CFAP47: variants seen among roughly 807,000 people sequenced by gnomAD.
The protein encoded by CFAP47 is cilia- and flagella-associated protein 47.
In CFAP47, 29 loss-of-function variants were observed where a neutral mutation model predicts 148.1. The observed-to-expected ratio is 0.20, with a 90% CI of 0.15 to 0.27. The LOEUF is 0.27. Among genes scored for constraint, CFAP47 ranks in the 10% least tolerant of loss-of-function variants. The pLI is 1.00. For missense variants in CFAP47, 1,872 were observed against 1,697.5 expected (o/e 1.10, Z -1.81); for synonymous variants, 664 against 577.3 (o/e 1.15, Z -2.15).
rs757214958 is a variant in CFAP47, at chrX:35,967,660, G to C, written c.1642G>C (p.Val548Leu). The C allele has an allele frequency of 8.3e-7, 1 of 1,209,754 alleles. No homozygotes were observed. The highest frequency in any genetic ancestry group is 1.1e-6 in the Non-Finnish European group (1 of 894,456). Residue 548 changes from valine (V) to leucine (L), a missense_variant, in exon 10 of 64, where the codon GTC becomes CTC. Physicochemically the swap from Val to Leu is conservative, Grantham distance 32. Transcript: ENST00000378653. ...SIRNPTGKFV[V>L]KDLAKRKNYA... Reference sequence around the variant, plus strand: ...CCGTAATCCCACGGGAAAGTTTGTGGTCAAAGACTTGGCAAAACGCAAGAA... The same window carrying C: ...CCGTAATCCCACGGGAAAGTTTGTGCTCAAAGACTTGGCAAAACGCAAGAA...
chrX:36,102,291 A>T (rs1262772358), intron 32 of CFAP47, among the ~76,000 whole-genome samples: 1 of 111,485 alleles, frequency 9.0e-6, no homozygotes, highest in East Asian at 2.8e-4. Flanking sequence ...CCTTCAACTC[A>T]TGCTTGGTGT....
At chrX:35,933,335 T>C (rs1237860267) in intron 2 of CFAP47, among the ~76,000 whole-genome samples, 2 of 111,244 alleles carry the variant, frequency 1.8e-5, no homozygotes, top group Non-Finnish European at 3.8e-5. Flanking sequence ...CTTGTCTTTC[T>C]ATGCCTGGCT....
At chrX:35,964,658 G>A (rs1351405966) in intron 8 of CFAP47, among the ~76,000 whole-genome samples, 1 of 110,572 alleles carries the variant, frequency 9.0e-6, no homozygotes, top group Non-Finnish European at 1.9e-5. Flanking sequence ...TCATCCTTAT[G>A]TATCTCTCTT....
intron 39 of CFAP47, among the ~76,000 whole-genome samples, chrX:36,168,374 C>T (rs1188254832): frequency 9.0e-6 from 1 of 111,671 alleles, no homozygotes; most frequent in African/African-American, 3.3e-5. Context: ...CTGAGGATTA[C>T]AATCAGCGTC....
intron 45 of CFAP47, among the ~76,000 whole-genome samples, chrX:36,213,603 G>A (rs1403259436): frequency 8.9e-6 from 1 of 111,814 alleles, no homozygotes; most frequent in Non-Finnish European, 1.9e-5. Context: ...AGAATGTTAG[G>A]CCCAGGAAAT....
chrX:36,178,457 G>A (rs1454641111), intron 39 of CFAP47, among the ~76,000 whole-genome samples: 2 of 111,581 alleles, frequency 1.8e-5, no homozygotes, highest in African/African-American at 6.5e-5. Context: ...TATGTGCAGA[G>A]TTGTGTGTGT....
chrX:36,133,168 A>T (rs1938980204), intron 33 of CFAP47, among the ~76,000 whole-genome samples: 2 of 110,631 alleles, frequency 1.8e-5, no homozygotes, highest in Non-Finnish European at 3.8e-5. Context: ...ACAGTTATAG[A>T]CTCTGCATCT....
intron 60 of CFAP47, among the ~76,000 whole-genome samples, chrX:36,355,034 CTAA>C (rs1414758793): frequency 9.1e-6 from 1 of 110,294 alleles, no homozygotes; most frequent in Non-Finnish European, 1.9e-5. Flanking sequence ...TAAAAAAAAA[CTAA>C]TAATCTGATT....
intron 60 of CFAP47, among the ~76,000 whole-genome samples, chrX:36,359,194 C>T (rs1424932005): frequency 9.0e-6 from 1 of 111,721 alleles, no homozygotes; most frequent in Non-Finnish European, 1.9e-5. Flanking sequence ...AAATTATTTG[C>T]CCCTTATTCA....
chrX:36,278,548 A>G (rs1401030180), intron 49 of CFAP47, among the ~76,000 whole-genome samples: 1 of 112,095 alleles, frequency 8.9e-6, no homozygotes, highest in Non-Finnish European at 1.9e-5. Flanking sequence ...TGTGCTTCCT[A>G]GGTGAGGCGA....
intron 48 of CFAP47, among the ~76,000 whole-genome samples, chrX:36,250,028 G>A (rs5973625): frequency 0.21 from 23,450 of 110,628 alleles, 4,335 homozygotes; most frequent in African/African-American, 0.61. Context: ...AAAATTAAAA[G>A]TAGAACTATC....
At chrX:35,924,023 ATATATATG>A (rs1935644027) in intron 1 of CFAP47, among the ~76,000 whole-genome samples, 1 of 99,789 alleles carries the variant, frequency 1.0e-5, no homozygotes, top group Admixed American at 1.1e-4. Context: ...ATATATGCAC[ATATATATG>A]CACATATATG....
chrX:36,090,231 A>G (rs1481405671), intron 30 of CFAP47, among the ~76,000 whole-genome samples: 1 of 112,124 alleles, frequency 8.9e-6, no homozygotes, highest in Non-Finnish European at 1.9e-5. Flanking sequence ...AATTGATTCA[A>G]TAAGGTAAGT....
chrX:36,355,429 A>G (rs1556018296), intron 60 of CFAP47, among the ~76,000 whole-genome samples: 1 of 112,148 alleles, frequency 8.9e-6, no homozygotes, highest in African/African-American at 3.2e-5. Context: ...TCCAATGTTC[A>G]TTGTAACATT....
chrX:36,227,391 T>C (rs922213758), intron 45 of CFAP47, among the ~76,000 whole-genome samples: 20 of 111,798 alleles, frequency 1.8e-4, no homozygotes, highest in Non-Finnish European at 2.6e-4. Context: ...GTATTACATA[T>C]AGCAACATAG....
chrX:36,064,126 A>G (rs922471998), intron 26 of CFAP47, among the ~76,000 whole-genome samples: 12 of 112,361 alleles, frequency 1.1e-4, no homozygotes, highest in African/African-American at 3.9e-4. Flanking sequence ...TATGTAAACT[A>G]TGTTATTTAA....
chrX:36,254,376 A>G (rs782205066), intron 49 of CFAP47, among the ~76,000 whole-genome samples: 21 of 111,716 alleles, frequency 1.9e-4, no homozygotes, highest in Non-Finnish European at 3.2e-4. Context: ...TTAGCAATGC[A>G]GGTAGACATT....
At chrX:35,929,237 A>G (rs1302912999) in intron 2 of CFAP47, among the ~76,000 whole-genome samples, 3 of 111,639 alleles carry the variant, frequency 2.7e-5, no homozygotes, top group Middle Eastern at 4.7e-3. Flanking sequence ...TTATAGATCA[A>G]TTTGAGGGAA....
At chrX:36,280,899 A>T (rs56315925) in intron 50 of CFAP47, among the ~76,000 whole-genome samples, 1 of 111,954 alleles carries the variant, frequency 8.9e-6, no homozygotes, top group Non-Finnish European at 1.9e-5. Flanking sequence ...TTCTGTCACT[A>T]TACAAAAGCA....
Sources: allele counts gnomAD v4.1 joint callset (sites outside exome capture counted in the v4.1 genomes callset), GRCh38; gene constraint gnomAD v4.1.1; transcripts MANE v1.5; gene names NCBI Gene and HGNC (gene_info 2026-07-23, HGNC 2026-07-21).